PCDHA7: variants seen among roughly 807,000 people sequenced by gnomAD.
The protein encoded by PCDHA7 is protocadherin alpha 7, also known as protocadherin alpha-7.
Under a neutral mutation model 57.2 loss-of-function variants are expected in PCDHA7, and 37 were observed. The ratio of observed to expected loss-of-function variants is 0.65; its 90% CI spans 0.50 to 0.85. PCDHA7 has a LOEUF of 0.85. Among genes scored for constraint, PCDHA7 ranks in the 40% least tolerant of loss-of-function variants. PCDHA7 has a pLI of 0.00. For synonymous variants in PCDHA7, 553 were observed against 558.8 expected, an observed-to-expected ratio of 0.99 and a Z score of 0.15; for missense variants, 1,188 against 1,241.8, an observed-to-expected ratio of 0.96 and a Z score of 0.65.
chr5:140,954,698 A>C (rs185399105), intron 1 of PCDHA7, among the ~76,000 whole-genome samples: 5 of 152,208 alleles, frequency 3.3e-5, no homozygotes, highest in African/African-American at 1.2e-4. Context: ...TAGACTACAA[A>C]ATTTTTCTCC....
At chr5:140,961,604 T>C (rs2095623962) in intron 1 of PCDHA7, among the ~76,000 whole-genome samples, 1 of 152,190 alleles carries the variant, frequency 6.6e-6, no homozygotes, top group Non-Finnish European at 1.5e-5. Context: ...TTCTAGTAAA[T>C]GAAACTAAAG....
chr5:141,006,180 A>C (rs1554260594), intron 3 of PCDHA7, among the ~76,000 whole-genome samples: 5 of 150,546 alleles, frequency 3.3e-5, no homozygotes, highest in Non-Finnish European at 7.4e-5. Context: ...TTTTTAAAAG[A>C]GTTTGCTATA....
intron 1 of PCDHA7, among the ~76,000 whole-genome samples, chr5:140,898,029 TG>T (rs1583292931): frequency 6.6e-6 from 1 of 152,188 alleles, no homozygotes; most frequent in East Asian, 1.9e-4. Context: ...CACTTTTTGA[TG>T]GGGTTGTTTG....
chr5:140,869,604 AT>A, intron 1 of PCDHA7: 1 of 1,614,062 alleles, frequency 6.2e-7, no homozygotes, highest in Admixed American at 1.7e-5. Context: ...AGAATGCTCT[AT>A]TGACCTACAG....
intron 1 of PCDHA7, chr5:140,857,643 T>C (rs1406049950): frequency 4.4e-6 from 7 of 1,596,508 alleles, no homozygotes; most frequent in Non-Finnish European, 5.1e-6. Flanking sequence ...CTGCTACAGT[T>C]CCAGGTGAGC....
At chr5:140,965,281 G>A (rs574183012) in intron 1 of PCDHA7, among the ~76,000 whole-genome samples, 1 of 152,310 alleles carries the variant, frequency 6.6e-6, no homozygotes, top group African/African-American at 2.4e-5. Flanking sequence ...GACACAGCAT[G>A]GAAAGATTTC....
At chr5:140,850,939 G>T in intron 1 of PCDHA7, 1 of 1,506,026 alleles carries the variant, frequency 6.6e-7, no homozygotes, top group Non-Finnish European at 8.9e-7. Context: ...TTTCTTGAAA[G>T]ATATTATCGA....
At chr5:140,966,232 C>A (rs1353392797) in intron 1 of PCDHA7, 14 of 285,432 alleles carry the variant, frequency 4.9e-5, no homozygotes, top group African/African-American at 2.4e-4. Flanking sequence ...TCCTTAAAGA[C>A]CCGTTAAGCA....
chr5:140,977,245 AC>A (rs2096751811), intron 1 of PCDHA7, among the ~76,000 whole-genome samples: 1 of 152,212 alleles, frequency 6.6e-6, no homozygotes, highest in Non-Finnish European at 1.5e-5. Context: ...AAAATTGGCA[AC>A]ATTTCTCAGC....
intron 1 of PCDHA7, among the ~76,000 whole-genome samples, chr5:140,903,704 A>G (rs2070513598): frequency 6.6e-6 from 1 of 152,234 alleles, no homozygotes; most frequent in Admixed American, 6.5e-5. Context: ...AAATAGTAAT[A>G]AAATATACAA....
In PCDHA7 at chr5:140,856,281, T is replaced by C. The variant is rs782635462; in HGVS notation, c.2355+19543T>C. On this transcript the variant is annotated intron_variant, in intron 1 of 3. Transcript: ENST00000525929. The stretch of plus-strand genomic sequence containing the variant: ...CACGGGGACCTTCTGGAGGTAAATC[T>C]GCAGAATGGCATTTTGTTTGTGAAT... 8.1e-6 allele frequency: 13 copies of C among 1,598,288 alleles called. 1 individual carries two copies. Among genetic ancestry groups the C allele is most frequent in the Non-Finnish European group, 1.1e-5 (13 of 1,168,008 alleles).
intron 3 of PCDHA7, among the ~76,000 whole-genome samples, chr5:141,000,395 C>A (rs664650): frequency 0.072 from 3,868 of 53,704 alleles, 168 homozygotes; most frequent in Non-Finnish European, 0.081. Flanking sequence ...CTCTCTCTCT[C>A]TATATATATA....
intron 1 of PCDHA7, chr5:140,929,567 A>G (rs566554100): frequency 7.2e-5 from 33 of 456,594 alleles, no homozygotes; most frequent in Admixed American, 1.2e-4. Flanking sequence ...ATTTAAGAAC[A>G]ATAAAAGTAA....
chr5:140,836,327 G>C lies in PCDHA7; in HGVS notation c.1944G>C (p.Leu648=). Residue 648 remains leucine, a synonymous_variant, in exon 1 of 4, where the codon CTG becomes CTC. Transcript: ENST00000525929. ...DETDAPRHRL[L]VLVKDHGEPS... is the part of the protein sequence containing the mutation. ...CGGACGCACCGCGCCACCGCCTTCT[G>C]GTGCTTGTGAAGGACCACGGGGAGC... 6.2e-7 allele frequency: 1 copy of C among 1,613,772 alleles called. No individual in the cohort carries two copies. The highest frequency in any genetic ancestry group is 8.5e-7 in the Non-Finnish European group (1 of 1,179,836).
At chr5:140,986,135 A>G (rs2097188048) in intron 3 of PCDHA7, among the ~76,000 whole-genome samples, 1 of 152,256 alleles carries the variant, frequency 6.6e-6, no homozygotes, top group Non-Finnish European at 1.5e-5. Flanking sequence ...GAAAGGATCA[A>G]CAAGGGCATC....
At chr5:140,876,753 G>A in intron 1 of PCDHA7, 2 of 1,614,246 alleles carry the variant, frequency 1.2e-6, no homozygotes, top group Non-Finnish European at 1.7e-6. Flanking sequence ...TGGTGACTGC[G>A]CGGGATGGGG....
chr5:140,885,138 T>C (rs1582817960), intron 1 of PCDHA7, among the ~76,000 whole-genome samples: 1 of 152,206 alleles, frequency 6.6e-6, no homozygotes, highest in Admixed American at 6.5e-5. Context: ...TTTCTTTTTT[T>C]AAACTGTTTT....
At chr5:140,843,811 A>G (rs1388764041) in intron 1 of PCDHA7, 1 of 1,276,222 alleles carries the variant, frequency 7.8e-7, no homozygotes, top group Non-Finnish European at 1.1e-6. Context: ...CGTATTTTAT[A>G]GTGAAAATTT....
At chr5:140,879,086 A>G (rs1182722619) in intron 1 of PCDHA7, among the ~76,000 whole-genome samples, 2 of 152,226 alleles carry the variant, frequency 1.3e-5, no homozygotes, top group Admixed American at 6.5e-5. Context: ...ATAAGTAGGA[A>G]CAACTGCACA....
Sources: allele counts gnomAD v4.1 joint callset (sites outside exome capture counted in the v4.1 genomes callset), GRCh38; gene constraint gnomAD v4.1.1; transcripts MANE v1.5; gene names NCBI Gene and HGNC (gene_info 2026-07-23, HGNC 2026-07-21).